Variants in KIF6 observed in about 807,000 individuals in gnomAD.
The protein encoded by KIF6 is kinesin-like protein KIF6.
In KIF6, 106 loss-of-function variants were observed where a neutral mutation model predicts 112.7. That is an observed-to-expected ratio of 0.94 (90% CI 0.80 to 1.11). KIF6 has a LOEUF of 1.11. Among genes scored for constraint, KIF6 ranks in the 50% least tolerant of loss-of-function variants. KIF6 has a pLI of 0.00. For missense variants in KIF6, 929 were observed against 964.0 expected (o/e 0.96, Z 0.48); for synonymous variants, 339 against 339.9 (o/e 1.00, Z 0.03).
chr6:39,473,094 C>T (rs1014346226), intron 13 of KIF6, among the ~76,000 whole-genome samples: 4 of 152,086 alleles, frequency 2.6e-5, no homozygotes, highest in African/African-American at 9.7e-5. Context: ...CCATGTTGGT[C>T]AGGCTGGCCT....
chr6:39,455,669 G>C (rs2150414356), intron 13 of KIF6, among the ~76,000 whole-genome samples: 1 of 149,276 alleles, frequency 6.7e-6, no homozygotes, highest in African/African-American at 2.5e-5. Flanking sequence ...ACAGAGAAGT[G>C]CTTAAAGGAG....
At chr6:39,710,262 A>T (rs1420847756) in intron 3 of KIF6, among the ~76,000 whole-genome samples, 2 of 152,112 alleles carry the variant, frequency 1.3e-5, no homozygotes, top group Admixed American at 6.5e-5. Context: ...TAAACACACC[A>T]TGCCCTCAGC....
intron 3 of KIF6, among the ~76,000 whole-genome samples, chr6:39,683,716 AAGAAGACAGAAGAAC>A (rs1787666766): frequency 6.6e-6 from 1 of 151,980 alleles, no homozygotes; most frequent in Non-Finnish European, 1.5e-5. Context: ...GGAATAGGCA[AAGAAGACAGAAGAAC>A]AGCCGAGTGG....
intron 13 of KIF6, among the ~76,000 whole-genome samples, chr6:39,436,468 G>GT (rs796615223): frequency 0.026 from 3,863 of 147,082 alleles, 161 homozygotes; most frequent in African/African-American, 0.09. Flanking sequence ...TTTTTCCTAG[G>GT]TTTTTTTTTT....
At chr6:39,360,617 C>T (rs1765058300) in intron 17 of KIF6, 87 bp from the exon 18 acceptor site, 1 of 1,503,284 alleles carries the variant, frequency 6.7e-7, no homozygotes, top group Non-Finnish European at 9.2e-7. Flanking sequence ...GGGCCCGTGC[C>T]TCAGAATCCC....
chr6:39,405,600 T>A (rs1352997228), intron 15 of KIF6, among the ~76,000 whole-genome samples: 1 of 152,222 alleles, frequency 6.6e-6, no homozygotes, highest in South Asian at 2.1e-4. Flanking sequence ...TATATTGTTG[T>A]ATTCAATATG....
At chr6:39,689,029 G>T (rs1350242216) in intron 3 of KIF6, among the ~76,000 whole-genome samples, 1 of 151,990 alleles carries the variant, frequency 6.6e-6, no homozygotes, top group Non-Finnish European at 1.5e-5. Context: ...AAAGTGGGAG[G>T]ATCACTGAAG....
At chr6:39,368,909 G>A (rs902304673) in intron 16 of KIF6, among the ~76,000 whole-genome samples, 2 of 152,200 alleles carry the variant, frequency 1.3e-5, no homozygotes, top group African/African-American at 4.8e-5. Context: ...AGTGAGTTAT[G>A]TGGCTCTACC....
At chr6:39,573,095 T>G (rs1010155670) in intron 10 of KIF6, among the ~76,000 whole-genome samples, 3 of 151,716 alleles carry the variant, frequency 2.0e-5, no homozygotes, top group African/African-American at 7.3e-5. Flanking sequence ...CCAATCAACA[T>G]AAACCTGCAG....
At chr6:39,369,933 C>T (rs576307569) in intron 16 of KIF6, among the ~76,000 whole-genome samples, 2 of 152,208 alleles carry the variant, frequency 1.3e-5, no homozygotes. Context: ...GAGCCTGGCT[C>T]GGTGATTTCT....
chr6:39,575,698 C>A (rs755452239), intron 10 of KIF6, among the ~76,000 whole-genome samples: 5 of 152,206 alleles, frequency 3.3e-5, no homozygotes, highest in Non-Finnish European at 7.3e-5. Context: ...ATTCTTAACA[C>A]TGCAGAGGAG....
At chr6:39,590,948 A>C (rs1396141809) in intron 7 of KIF6, among the ~76,000 whole-genome samples, 1 of 152,220 alleles carries the variant, frequency 6.6e-6, no homozygotes, top group East Asian at 1.9e-4. Flanking sequence ...TATCTCAGCT[A>C]TATCTTCCAT....
intron 16 of KIF6, among the ~76,000 whole-genome samples, chr6:39,364,293 G>T (rs1321006284): frequency 6.6e-6 from 1 of 152,002 alleles, no homozygotes; most frequent in African/African-American, 2.4e-5. Flanking sequence ...GCTAATTTTT[G>T]TATTTTTAGT....
At chr6:39,579,028 G>A (rs1180647715) in intron 9 of KIF6, among the ~76,000 whole-genome samples, 3 of 152,060 alleles carry the variant, frequency 2.0e-5, no homozygotes, top group African/African-American at 7.2e-5. Context: ...TTGCTATTAC[G>A]AACAGTGTTG....
intron 5 of KIF6, among the ~76,000 whole-genome samples, chr6:39,633,233 GCATGAGCTCTTTT>G (rs1167588048): frequency 6.6e-6 from 1 of 152,106 alleles, no homozygotes; most frequent in Non-Finnish European, 1.5e-5. Context: ...GAAGAACAGA[GCATGAGCTCTTTT>G]CATCTGAATC....
chr6:39,351,213 T>C (rs1257116242), intron 19 of KIF6, among the ~76,000 whole-genome samples: 3 of 116,180 alleles, frequency 2.6e-5, no homozygotes, highest in Non-Finnish European at 5.4e-5. Flanking sequence ...GCAAGCACAG[T>C]GTATTTCTTT....
chr6:39,632,953 A>G (rs75979444), intron 5 of KIF6, among the ~76,000 whole-genome samples: 8,631 of 151,972 alleles, frequency 0.057, 807 homozygotes, highest in African/African-American at 0.2. Flanking sequence ...GACCTAGAGA[A>G]TTAAGGAGTC....
intron 10 of KIF6, among the ~76,000 whole-genome samples, chr6:39,555,930 G>A (rs1779682500): frequency 6.9e-6 from 1 of 144,592 alleles, no homozygotes; most frequent in Non-Finnish European, 1.5e-5. Context: ...CTCCAGCCTG[G>A]GCGACAGAGT....
chr6:39,404,573 C>CT (rs1423649701), intron 15 of KIF6, among the ~76,000 whole-genome samples: 1 of 152,162 alleles, frequency 6.6e-6, no homozygotes, highest in Non-Finnish European at 1.5e-5. Flanking sequence ...ATTACAGCAG[C>CT]TTACAGTAAG....
Sources: gnomAD v4.1 joint callset for allele counts (sites outside exome capture counted in the v4.1 genomes callset) on GRCh38, gnomAD v4.1.1 for gene constraint, MANE v1.5 for transcripts, NCBI Gene and HGNC (gene_info 2026-07-23, HGNC 2026-07-21) for gene names.